TMEM184B: variants seen among roughly 807,000 people sequenced by gnomAD.
The protein encoded by TMEM184B is transmembrane protein 184B.
Under a neutral mutation model 41.8 loss-of-function variants are expected in TMEM184B, and 17 were observed. That is an observed-to-expected ratio of 0.41 (90% CI 0.28 to 0.61). The LOEUF is 0.61. Ranked by LOEUF, TMEM184B falls within the 20% of genes least tolerant of loss-of-function variation. The pLI is 0.34. For synonymous variants in TMEM184B, 240 were observed against 229.5 expected, an observed-to-expected ratio of 1.05 and a Z score of -0.41; for missense variants, 393 against 557.8, an observed-to-expected ratio of 0.70 and a Z score of 2.98.
chr22:38,231,884 G>C (rs73884669), intron 3 of TMEM184B: 1 of 213,874 alleles, frequency 4.7e-6, no homozygotes, highest in Non-Finnish European at 9.5e-6. Flanking sequence ...CCAGGTTGCC[G>C]AAGGAGGGGT....
downstream of TMEM184B, among the ~76,000 whole-genome samples, chr22:38,219,070 G>A (rs909323224): frequency 6.6e-6 from 1 of 152,240 alleles, no homozygotes; most frequent in African/African-American, 2.4e-5. Context: ...CTGCGGCCCG[G>A]CCGTCCTGGG....
chr22:38,218,176 C>T (rs541845936), downstream of TMEM184B, among the ~76,000 whole-genome samples: 4 of 152,334 alleles, frequency 2.6e-5, no homozygotes, highest in Admixed American at 1.3e-4. Context: ...CCAGCCCCCA[C>T]CTGCAGGCCT....
At chr22:38,244,764 G>A (rs1224910016) in intron 3 of TMEM184B, among the ~76,000 whole-genome samples, 1 of 152,176 alleles carries the variant, frequency 6.6e-6, no homozygotes, top group South Asian at 2.1e-4. Flanking sequence ...CCCAATGCAG[G>A]GGTCTTGAGG....
intron 4 of TMEM184B, 112 bp downstream of exon 4, chr22:38,231,132 G>A (rs2091606207): frequency 4.2e-6 from 4 of 950,152 alleles, no homozygotes; most frequent in South Asian, 2.6e-5. Flanking sequence ...GGCACAGCAG[G>A]TCAAGGTCAC....
At position 38,240,123 on chromosome 22, in the gene TMEM184B, C is replaced by G. The variant is rs6001062; in HGVS notation, c.358+5812G>C. ...GCCCTTCTTATATATAAAAAATAGC[C>G]AAGGATACTGATATTTGAGGAGCGC... On this transcript the variant is annotated intron_variant, in intron 3 of 8. Coordinates refer to ENST00000361906, the MANE Select transcript of TMEM184B (RefSeq NM_012264.5). Among the ~76,000 whole-genome samples the G allele has an allele frequency of 6.1e-3, 932 of 152,036 alleles. 7 individuals carry two copies. The highest frequency in any genetic ancestry group is 0.022 in the African/African-American group (901 of 41,428).
intron 2 of TMEM184B, chr22:38,246,817 G>A: frequency 7.7e-7 from 1 of 1,297,050 alleles, no homozygotes. Context: ...ACAGTCCTCA[G>A]TCCAGGCAGC....
At position 38,259,939 on chromosome 22, in the gene TMEM184B, C is replaced by CTTTT. The variant is rs60704295; in HGVS notation, c.-58-11924_-58-11921dup. On this transcript the variant is annotated intron_variant, in intron 1 of 8. Transcript: ENST00000361906. ...TACAGGCACGTGCCACCACGCCTGG[C>CTTTT]TTTTTTTTTTTTTTTTTTTTGTGAG... Among the ~76,000 whole-genome samples the CTTTT allele has an allele frequency of 5.7e-5, 5 of 87,396 alleles. No homozygotes were observed. In the South Asian group the frequency reaches 1.2e-3, roughly 20 times the overall value. 57.3% of individuals were successfully genotyped at this position (87,396 alleles called of 152,430 possible).
intron 3 of TMEM184B, among the ~76,000 whole-genome samples, chr22:38,242,685 G>A (rs373825910): frequency 1.3e-5 from 2 of 152,334 alleles, no homozygotes; most frequent in East Asian, 3.9e-4. Context: ...ACTCTGCAGA[G>A]GCAGCTGCAA....
chr22:38,246,666 T>C (rs2092037986), intron 2 of TMEM184B: 1 of 529,620 alleles, frequency 1.9e-6, no homozygotes, highest in Admixed American at 4.7e-5. Context: ...CCTCCTCCCA[T>C]CTGGTAAACA....
intron 1 of TMEM184B, 22 bp from the exon 2 acceptor site, chr22:38,248,041 G>GT: frequency 6.8e-7 from 1 of 1,476,660 alleles, no homozygotes; most frequent in Non-Finnish European, 9.0e-7. Flanking sequence ...AAATTGCAAT[G>GT]TGAGTCTCCT....
Position 38,272,909 on chromosome 22 carries a change from G to A in TMEM184B, c.-84C>T. 4.3e-6 allele frequency: 3 copies of A among 699,866 alleles called. No homozygotes were observed. The highest frequency in any genetic ancestry group is 5.3e-6 in the Non-Finnish European group (3 of 569,264). 43.4% of individuals were successfully genotyped at this position (699,866 alleles called of 1,614,324 possible). A position where few individuals can be genotyped will look rare whatever the true frequency, so the allele number is the denominator to read the frequency against. ...CTCAGGAGCCCATGGCGGTGGCGGC[G>A]TCTGCGGACGATGCGCGGCAGCCGG... On this transcript the variant is annotated 5_prime_UTR_variant, in exon 1 of 9. The change creates a new upstream start codon in the 5' untranslated region. Coordinates refer to ENST00000361906, the MANE Select transcript of TMEM184B (RefSeq NM_012264.5).
intron 3 of TMEM184B, among the ~76,000 whole-genome samples, chr22:38,244,929 G>A (rs1378936238): frequency 6.6e-6 from 1 of 152,184 alleles, no homozygotes; most frequent in Non-Finnish European, 1.5e-5. Context: ...ACTGTTTAGG[G>A]GCCACAGCCT....
At chr22:38,257,564 A>C (rs973597642) in intron 1 of TMEM184B, among the ~76,000 whole-genome samples, 1 of 152,162 alleles carries the variant, frequency 6.6e-6, no homozygotes, top group East Asian at 1.9e-4. Flanking sequence ...ACTGATCACG[A>C]AAGCGCACGT....
At chr22:38,245,886 CA>C in intron 3 of TMEM184B, 48 bp downstream of exon 3, 5 of 1,146,372 alleles carry the variant, frequency 4.4e-6, no homozygotes, top group Non-Finnish European at 6.3e-6. Context: ...CAGGGGCTCC[CA>C]GCCCCCCAGC....
In TMEM184B at chr22:38,219,529, A is replaced by C. The variant is rs1059804; in HGVS notation, c.*1940T>G. Reference sequence around the variant, plus strand: ...AGCTACTCTACCTGGAAAGAAAATTAAAAAAAAAAAAGACAAGGTAGGTTA... The same window carrying C: ...AGCTACTCTACCTGGAAAGAAAATTCAAAAAAAAAAAGACAAGGTAGGTTA... On this transcript the variant is annotated 3_prime_UTR_variant, in exon 9 of 9. Transcript: ENST00000361906. 1.1e-6 allele frequency: 1 copy of C among 875,044 alleles called. No individual in the cohort carries two copies. Among genetic ancestry groups the C allele is most frequent in the Middle Eastern group, 5.8e-4 (1 of 1,712 alleles). The allele number at this position is 875,044 out of a possible 1,614,324, so 54.2% of individuals were successfully genotyped here. A position where few individuals can be genotyped will look rare whatever the true frequency, so the allele number is the denominator to read the frequency against.
At chr22:38,246,196 C>T in intron 2 of TMEM184B, 96 bp from the exon 3 acceptor site, 1 of 1,457,472 alleles carries the variant, frequency 6.9e-7, no homozygotes, top group Non-Finnish European at 9.3e-7. Context: ...TCATCTGTGA[C>T]CCGATGCACG....
intron 8 of TMEM184B, chr22:38,222,642 C>T (rs2091292572): frequency 2.0e-6 from 2 of 985,464 alleles, no homozygotes; most frequent in Non-Finnish European, 2.4e-6. Flanking sequence ...CGGGACCTAC[C>T]GTAAGGGCCG....
chr22:38,230,462 G>C (rs545881969), intron 5 of TMEM184B, among the ~76,000 whole-genome samples: 1 of 152,344 alleles, frequency 6.6e-6, no homozygotes, highest in South Asian at 2.1e-4. Context: ...CAGTGCAACA[G>C]ACACTCCCAG....
chr22:38,268,727 ATCACC>A (rs1160515349), intron 1 of TMEM184B, among the ~76,000 whole-genome samples: 2 of 152,188 alleles, frequency 1.3e-5, no homozygotes, highest in Non-Finnish European at 2.9e-5. Flanking sequence ...CTTAATACAC[ATCACC>A]TCACTAGACA....
Sources: gnomAD v4.1 joint callset for allele counts (sites outside exome capture counted in the v4.1 genomes callset) on GRCh38, gnomAD v4.1.1 for gene constraint, MANE v1.5 for transcripts, NCBI Gene and HGNC (gene_info 2026-07-23, HGNC 2026-07-21) for gene names.